The following HIPK2 variants were observed in gnomAD, a reference collection of about 807,000 sequenced individuals.
HIPK2 encodes the protein homeodomain interacting protein kinase 2.
Under a neutral mutation model 113.7 loss-of-function variants are expected in HIPK2, and 27 were observed. That is an observed-to-expected ratio of 0.24 (90% confidence interval 0.17 to 0.33). The LOEUF is 0.33. Ranked by LOEUF, HIPK2 falls within the 10% of genes least tolerant of loss-of-function variation. The pLI, the probability that HIPK2 is intolerant of heterozygous loss-of-function variation, is 1.00. For missense variants in HIPK2, 1,257 were observed against 1,588.0 expected (o/e 0.79, Z 3.54); for synonymous variants, 631 against 642.2 (o/e 0.98, Z 0.26).
chr7:139,643,304 TATA>T (rs1490299061), intron 2 of HIPK2, among the ~76,000 whole-genome samples: 2 of 152,126 alleles, frequency 1.3e-5, no homozygotes, highest in Non-Finnish European at 2.9e-5. Flanking sequence ...CCATTCCCTG[TATA>T]ATGTTAGAAT....
chr7:139,768,838 C>T (rs1433619093), intron 1 of HIPK2, among the ~76,000 whole-genome samples: 2 of 152,198 alleles, frequency 1.3e-5, no homozygotes, highest in African/African-American at 4.8e-5. Context: ...CTGGAGTGTT[C>T]TGGGGCTTCT....
chr7:139,753,172 G>A (rs1331290297), intron 1 of HIPK2, among the ~76,000 whole-genome samples: 2 of 152,220 alleles, frequency 1.3e-5, no homozygotes, highest in East Asian at 3.8e-4. Context: ...CTGAGAGACT[G>A]ACTTCTGAGA....
At position 139,716,250 on chromosome 7, in the gene HIPK2, C is replaced by T. The variant is rs201003985; in HGVS notation, c.785G>A (p.Arg262Gln). The change falls in exon 2 of 15, where the codon CGG becomes CAG. Residue 262 changes from arginine (R) to glutamine (Q), a missense_variant. Coordinates refer to ENST00000406875, the MANE Select transcript of HIPK2 (RefSeq NM_022740.5). The surrounding 1 kb of genome is among the most constrained non-coding windows in gnomAD (Gnocchi z 9.3). ...CTTGTGCTGGAAGCATTCGTAGGCC[C>T]GGACGAAGTTATAGTCATCGGCACT... ...TESADDYNFV[R>Q]AYECFQHKNH... 1.5e-5 allele frequency: 24 copies of T among 1,614,038 alleles called. No homozygotes were observed. Among genetic ancestry groups the T allele is most frequent in the Middle Eastern group, 1.6e-4 (1 of 6,062 alleles).
intron 2 of HIPK2, among the ~76,000 whole-genome samples, chr7:139,680,432 C>G (rs1802659025): frequency 6.6e-6 from 1 of 152,222 alleles, no homozygotes; most frequent in Admixed American, 6.5e-5. Context: ...ACATTAAATT[C>G]ACGTCACTGG....
rs189636706 is a variant in HIPK2, at chr7:139,679,310, A to G, written c.1103+36622T>C. Among the ~76,000 whole-genome samples the G allele has an allele frequency of 3.6e-3, 551 of 152,314 alleles. 1 individual carries two copies. The highest frequency in any genetic ancestry group is 5.8e-3 in the Non-Finnish European group (394 of 68,032). On this transcript the variant is annotated intron_variant, in intron 2 of 14. Transcript: ENST00000406875. ...ACCCATTCACCAGGGAGAAGCCTTC[A>G]CGGCCTAATCACCTCTTAAAGGCCC... is the stretch of plus-strand genomic sequence containing the variant.
In HIPK2 at chr7:139,571,127, G is replaced by GAAACCA. The variant is rs1358998477; in HGVS notation, c.*1794_*1799dup. 6.6e-6 allele frequency: 1 copy of GAAACCA among 152,294 alleles called. No individual in the cohort carries two copies. Among genetic ancestry groups the GAAACCA allele is most frequent in the Non-Finnish European group, 1.5e-5 (1 of 68,082 alleles). The allele number at this position is 152,294 out of a possible 1,614,324, so 9.4% of individuals were successfully genotyped here. The stretch of plus-strand genomic sequence containing the variant: ...AACCTTCTGCCCACTAGAACCCTCA[G>GAAACCA]AAACCAAAACCAAAATCATGTCTTG... On this transcript the variant is annotated 3_prime_UTR_variant, in exon 15 of 15. Coordinates refer to ENST00000406875, the MANE Select transcript of HIPK2 (RefSeq NM_022740.5).
intron 1 of HIPK2, among the ~76,000 whole-genome samples, chr7:139,748,362 A>G (rs1449680564): frequency 6.6e-6 from 1 of 152,068 alleles, no homozygotes; most frequent in Non-Finnish European, 1.5e-5. Flanking sequence ...TTGGCCTAGT[A>G]TAACACAGCA....
chr7:139,635,737 G>C (rs927510470), intron 2 of HIPK2, among the ~76,000 whole-genome samples: 15 of 152,084 alleles, frequency 9.9e-5, no homozygotes, highest in African/African-American at 3.6e-4. Context: ...AAAGCACACA[G>C]GACAACTCGA....
At chr7:139,624,027 AT>A (rs61607452) in intron 6 of HIPK2, among the ~76,000 whole-genome samples, 24,248 of 143,292 alleles carry the variant, frequency 0.17, 2,481 homozygotes, top group African/African-American at 0.31. Context: ...ACGGCTTCCT[AT>A]TTTTTTTTTT....
chr7:139,684,243 C>T lies in HIPK2; in HGVS notation c.1103+31689G>A, dbSNP rs1213242962. Among the ~76,000 whole-genome samples, 4 of 152,094 alleles carry T rather than the reference C, an allele frequency of 2.6e-5. No individual in the cohort carries two copies. In the East Asian group the frequency reaches 7.7e-4, roughly 29 times the overall value. The stretch of plus-strand genomic sequence containing the variant: ...GTGTGTATTCCATCTATGAGCTGTT[C>T]CCCCATCTCTCTCCTTCTTCTCGGG... On this transcript the variant is annotated intron_variant, in intron 2 of 14. Transcript: ENST00000406875.
At chr7:139,689,293 TAATTC>T in intron 2 of HIPK2, among the ~76,000 whole-genome samples, 1 of 152,342 alleles carries the variant, frequency 6.6e-6, no homozygotes, top group East Asian at 1.9e-4. Flanking sequence ...CAGGGCTGCC[TAATTC>T]AATCATCACA....
intron 14 of HIPK2, among the ~76,000 whole-genome samples, chr7:139,574,632 C>T (rs1189373102): frequency 1.3e-5 from 2 of 152,222 alleles, no homozygotes; most frequent in South Asian, 2.1e-4. Context: ...GACAGCCCTG[C>T]ACCCACAGAA....
At chr7:139,691,042 A>G (rs905583834) in intron 2 of HIPK2, among the ~76,000 whole-genome samples, 10 of 152,228 alleles carry the variant, frequency 6.6e-5, no homozygotes, top group African/African-American at 2.4e-4. Flanking sequence ...ATTTGACATA[A>G]AAAACAGGAA....
intron 2 of HIPK2, among the ~76,000 whole-genome samples, chr7:139,642,470 C>T (rs1244910187): frequency 6.6e-6 from 1 of 152,226 alleles, no homozygotes; most frequent in Non-Finnish European, 1.5e-5. Context: ...GGGGCAGCTG[C>T]ATGGAGAGAC....
At chr7:139,610,893 A>G (rs1799792242) in intron 9 of HIPK2, among the ~76,000 whole-genome samples, 1 of 152,248 alleles carries the variant, frequency 6.6e-6, no homozygotes, top group African/African-American at 2.4e-5. Context: ...AATGGATACC[A>G]CATGGCAGGA....
intron 2 of HIPK2, among the ~76,000 whole-genome samples, chr7:139,704,397 C>A (rs1794828437): frequency 6.7e-6 from 1 of 149,694 alleles, no homozygotes; most frequent in African/African-American, 2.5e-5. Context: ...ACACACCACA[C>A]CCAACACATG....
chr7:139,757,387 A>G (rs1796380121), intron 1 of HIPK2, among the ~76,000 whole-genome samples: 1 of 152,222 alleles, frequency 6.6e-6, no homozygotes, highest in African/African-American at 2.4e-5. Flanking sequence ...GCATTTATTG[A>G]GTACCAAATA....
chr7:139,629,311 A>G (rs1800534589), intron 4 of HIPK2, among the ~76,000 whole-genome samples: 1 of 152,228 alleles, frequency 6.6e-6, no homozygotes, highest in Admixed American at 6.5e-5. Flanking sequence ...AAGGTATGCC[A>G]CATCCTCGAT....
chr7:139,703,210 A>G (rs1794764333), intron 2 of HIPK2, among the ~76,000 whole-genome samples: 2 of 152,178 alleles, frequency 1.3e-5, no homozygotes, highest in Non-Finnish European at 2.9e-5. Flanking sequence ...TAAAAACGGA[A>G]AGTTCTATGA....
Sources: gnomAD v4.1 joint callset for allele counts (sites outside exome capture counted in the v4.1 genomes callset) on GRCh38, gnomAD v4.1.1 for gene constraint, Gnocchi (gnomAD v3.1) non-coding constraint, MANE v1.5 for transcripts, NCBI Gene and HGNC (gene_info 2026-07-23, HGNC 2026-07-21) for gene names.